HS6ST3: variants seen among roughly 807,000 people sequenced by gnomAD.
HS6ST3 encodes heparan-sulfate 6-O-sulfotransferase 3.
In HS6ST3, 12 loss-of-function variants were observed where a neutral mutation model predicts 36.7. That is an observed-to-expected ratio of 0.33 (90% CI 0.21 to 0.53). The LOEUF (loss-of-function observed/expected upper bound fraction) is 0.53, where lower values mean the gene tolerates loss of function less well. HS6ST3 is among the 20% of genes least tolerant of loss of function. The probability of loss-of-function intolerance (pLI) is 0.95; values close to 1 mark genes in which losing one functional copy is unlikely to be tolerated. For synonymous variants in HS6ST3, 240 were observed against 257.5 expected (o/e 0.93, Z 0.65); for missense variants, 584 against 640.9 (o/e 0.91, Z 0.96).
intron 1 of HS6ST3, among the ~76,000 whole-genome samples, chr13:96,520,442 G>T (rs1264463096): frequency 6.6e-6 from 1 of 152,110 alleles, no homozygotes; most frequent in African/African-American, 2.4e-5. Context: ...AAATTACTTT[G>T]GGCAGTAAGG....
At chr13:96,400,247 A>G (rs1456030644) in intron 1 of HS6ST3, among the ~76,000 whole-genome samples, 1 of 150,932 alleles carries the variant, frequency 6.6e-6, no homozygotes, top group African/African-American at 2.4e-5. Flanking sequence ...ACACACACAG[A>G]TACACACACA....
At chr13:96,515,746 C>T (rs1174116987) in intron 1 of HS6ST3, among the ~76,000 whole-genome samples, 1 of 152,306 alleles carries the variant, frequency 6.6e-6, no homozygotes, top group East Asian at 1.9e-4. Context: ...CCCCTTCTGC[C>T]ATGATTGTAA....
At chr13:96,722,932 G>A (rs897015001) in intron 1 of HS6ST3, among the ~76,000 whole-genome samples, 10 of 151,986 alleles carry the variant, frequency 6.6e-5, no homozygotes, top group Non-Finnish European at 1.5e-4. Flanking sequence ...TGCCATGATC[G>A]TGCCACTGCA....
intron 1 of HS6ST3, among the ~76,000 whole-genome samples, chr13:96,748,021 T>C (rs1414167107): frequency 1.3e-5 from 2 of 152,114 alleles, no homozygotes; most frequent in East Asian, 3.8e-4. Flanking sequence ...ACTTCACATG[T>C]GATGTAGGAC....
chr13:96,752,669 G>C (rs1414034764), intron 1 of HS6ST3, among the ~76,000 whole-genome samples: 1 of 151,394 alleles, frequency 6.6e-6, no homozygotes, highest in African/African-American at 2.4e-5. Flanking sequence ...TTCTTTTGAC[G>C]TTTAGGATTT....
At chr13:96,255,718 C>G (rs1195839537) in intron 1 of HS6ST3, among the ~76,000 whole-genome samples, 1 of 152,130 alleles carries the variant, frequency 6.6e-6, no homozygotes, top group Non-Finnish European at 1.5e-5. Context: ...TTTGTCTTCT[C>G]TTCATAAGAA....
intron 1 of HS6ST3, among the ~76,000 whole-genome samples, chr13:96,690,669 A>AT (rs1874932500): frequency 6.6e-6 from 1 of 152,172 alleles, no homozygotes; most frequent in South Asian, 2.1e-4. Flanking sequence ...GGTGAAATGC[A>AT]TTTTTTATCA....
intron 1 of HS6ST3, among the ~76,000 whole-genome samples, chr13:96,452,944 A>C (rs1169122342): frequency 6.6e-6 from 1 of 152,122 alleles, no homozygotes; most frequent in African/African-American, 2.4e-5. Flanking sequence ...GGATGCTGGC[A>C]AGAGACATGA....
intron 1 of HS6ST3, among the ~76,000 whole-genome samples, chr13:96,506,443 A>G (rs1197844674): frequency 6.6e-6 from 1 of 152,200 alleles, no homozygotes; most frequent in African/African-American, 2.4e-5. Flanking sequence ...TGTACTATAT[A>G]CAAGTGGGGA....
At chr13:96,492,457 G>T (rs1166446961) in intron 1 of HS6ST3, among the ~76,000 whole-genome samples, 1 of 152,176 alleles carries the variant, frequency 6.6e-6, no homozygotes, top group Non-Finnish European at 1.5e-5. Flanking sequence ...TGGTCCTATA[G>T]TTGGGGGCAT....
At chr13:96,557,640 AAGC>A (rs2056246028) in intron 1 of HS6ST3, among the ~76,000 whole-genome samples, 1 of 152,150 alleles carries the variant, frequency 6.6e-6, no homozygotes. Context: ...TCATCATCCC[AAGC>A]TCTTAGTGAA....
intron 1 of HS6ST3, among the ~76,000 whole-genome samples, chr13:96,590,028 G>A (rs967967730): frequency 3.9e-5 from 6 of 151,908 alleles, no homozygotes; most frequent in African/African-American, 1.5e-4. Context: ...CATTTTTTAT[G>A]GCTAAATAAT....
At chr13:96,155,629 A>G (rs1385790514) in intron 1 of HS6ST3, among the ~76,000 whole-genome samples, 2 of 152,210 alleles carry the variant, frequency 1.3e-5, no homozygotes, top group African/African-American at 2.4e-5. Context: ...AGCATTTTAA[A>G]TAATGAAAAC....
chr13:96,833,291 A>T lies in HS6ST3; in HGVS notation c.*93A>T, dbSNP rs1878851318. 1.0e-6 allele frequency: 1 copy of T among 957,504 alleles called. No individual in the cohort carries two copies. The highest frequency in any genetic ancestry group is 1.7e-5 in the African/African-American group (1 of 60,564). 59.3% of individuals were successfully genotyped at this position (957,504 alleles called of 1,614,324 possible). A position where few individuals can be genotyped will look rare whatever the true frequency, so the allele number is the denominator to read the frequency against. On this transcript the variant is annotated 3_prime_UTR_variant, in exon 2 of 2. Coordinates refer to ENST00000376705, the MANE Select transcript of HS6ST3 (RefSeq NM_153456.4). The stretch of plus-strand genomic sequence containing the variant: ...TTGGAGAAGCTGAGCCATTCTGAGG[A>T]CATCTGGCTGTGTGTGCTTGATTTG...
chr13:96,616,810 A>G (rs1416951467), intron 1 of HS6ST3, among the ~76,000 whole-genome samples: 2 of 152,244 alleles, frequency 1.3e-5, no homozygotes. Flanking sequence ...CTGGATCAGC[A>G]TCTTATTAAT....
intron 1 of HS6ST3, among the ~76,000 whole-genome samples, chr13:96,412,630 A>C: frequency 6.6e-6 from 1 of 152,090 alleles, no homozygotes; most frequent in Middle Eastern, 3.2e-3. Flanking sequence ...AAGAGAGAGA[A>C]TTTCCACCGT....
At chr13:96,552,737 A>AGGG (rs973104428) in intron 1 of HS6ST3, among the ~76,000 whole-genome samples, 1 of 152,180 alleles carries the variant, frequency 6.6e-6, no homozygotes, top group South Asian at 2.1e-4. Context: ...TTCAGCAGGT[A>AGGG]GGGGACACCT....
chr13:96,299,899 G>T (rs1192396067), intron 1 of HS6ST3, among the ~76,000 whole-genome samples: 2 of 152,018 alleles, frequency 1.3e-5, no homozygotes, highest in Non-Finnish European at 2.9e-5. Context: ...TTTTAAAAAG[G>T]AGGTTTAATT....
chr13:96,631,013 A>T (rs1372842156), intron 1 of HS6ST3, among the ~76,000 whole-genome samples: 1 of 152,188 alleles, frequency 6.6e-6, no homozygotes, highest in Non-Finnish European at 1.5e-5. Flanking sequence ...GGGTTTCAGT[A>T]CTCAGATGTT....
Sources: allele counts gnomAD v4.1 joint callset (sites outside exome capture counted in the v4.1 genomes callset), GRCh38; gene constraint gnomAD v4.1.1; transcripts MANE v1.5; gene names NCBI Gene and HGNC (gene_info 2026-07-23, HGNC 2026-07-21).